DDAH1: variants seen among roughly 807,000 people sequenced by gnomAD.
DDAH1 encodes N(G),N(G)-dimethylarginine dimethylaminohydrolase 1.
Under a neutral mutation model 28.8 loss-of-function variants are expected in DDAH1, and 19 were observed. The ratio of observed to expected loss-of-function variants is 0.66; its 90% confidence interval spans 0.46 to 0.97. The LOEUF (loss-of-function observed/expected upper bound fraction) is 0.97. Ranked by LOEUF, DDAH1 falls within the 50% of genes least tolerant of loss-of-function variation. The pLI, the probability that DDAH1 is intolerant of heterozygous loss-of-function variation, is 0.00. For synonymous variants in DDAH1, 153 were observed against 154.4 expected (o/e 0.99, Z 0.07); for missense variants, 326 against 375.9 (o/e 0.87, Z 1.10).
At chr1:85,570,268 G>A (rs1225326930) in intron 1 of DDAH1, among the ~76,000 whole-genome samples, 1 of 151,736 alleles carries the variant, frequency 6.6e-6, no homozygotes, top group Non-Finnish European at 1.5e-5. Flanking sequence ...TTCTTCTCCT[G>A]ATGCCTGATA....
At position 85,530,519 on chromosome 1, in the gene DDAH1, G is replaced by A. The variant is rs542970374; in HGVS notation, c.-122-34238C>T. On this transcript the variant is annotated intron_variant, in intron 1 of 6. Transcript: ENST00000426972. ...GATAATAAAAAGTCCAAATCGTAAA[G>A]CAGGACATTAGCAGCCTTTTGGGAG... is the stretch of plus-strand genomic sequence containing the variant. Among the ~76,000 whole-genome samples the A allele has an allele frequency of 3.3e-5, 5 of 151,850 alleles. No individual in the cohort carries two copies. The East Asian group carries it at 9.7e-4, about 29-fold the overall frequency.
chr1:85,425,119 T>A (rs527952103), intron 1 of DDAH1, among the ~76,000 whole-genome samples: 6 of 152,282 alleles, frequency 3.9e-5, no homozygotes, highest in Non-Finnish European at 7.4e-5. Context: ...TGAGCTGTCA[T>A]GTCACATTAA....
chr1:85,501,829 A>G (rs937533079), intron 1 of DDAH1, among the ~76,000 whole-genome samples: 1 of 152,156 alleles, frequency 6.6e-6, no homozygotes, highest in African/African-American at 2.4e-5. Context: ...TAGTAACTTC[A>G]TCAAAGCCAG....
At chr1:85,566,166 A>G (rs1373133419) in intron 1 of DDAH1, among the ~76,000 whole-genome samples, 2 of 152,086 alleles carry the variant, frequency 1.3e-5, no homozygotes, top group Middle Eastern at 3.2e-3. Context: ...ACAACAGAAT[A>G]AAACAATTCA....
At chr1:85,477,643 T>TATGCATATACATGCATATACATATAGAG in intron 2 of DDAH1, among the ~76,000 whole-genome samples, 1 of 151,974 alleles carries the variant, frequency 6.6e-6, no homozygotes, top group African/African-American at 2.4e-5. Flanking sequence ...AGAGATAGTA[T>TATGCATATACATGCATATACATATAGAG]ATGTATATGC....
intron 1 of DDAH1, among the ~76,000 whole-genome samples, chr1:85,388,991 T>C (rs1651413907): frequency 6.6e-6 from 1 of 152,130 alleles, no homozygotes; most frequent in South Asian, 2.1e-4. Flanking sequence ...TGCTAGTTGA[T>C]TGGGAAAGAT....
chr1:85,554,023 A>G (rs1410317966), intron 1 of DDAH1, among the ~76,000 whole-genome samples: 1 of 152,212 alleles, frequency 6.6e-6, no homozygotes, highest in Non-Finnish European at 1.5e-5. Flanking sequence ...ACAATGTTAC[A>G]TCTCACTTAG....
chr1:85,453,184 G>A (rs909838121), intron 1 of DDAH1, among the ~76,000 whole-genome samples: 24 of 152,272 alleles, frequency 1.6e-4, no homozygotes, highest in African/African-American at 4.3e-4. Flanking sequence ...TCAAGAAAAT[G>A]TTCTAACTTA....
chr1:85,521,007 T>C (rs1353242792), intron 1 of DDAH1, among the ~76,000 whole-genome samples: 4 of 152,202 alleles, frequency 2.6e-5, no homozygotes, highest in African/African-American at 7.2e-5. Context: ...CCTCAGCTCC[T>C]TCCCTGCTGA....
intron 2 of DDAH1, among the ~76,000 whole-genome samples, chr1:85,492,977 G>A (rs557973957): frequency 1.3e-5 from 2 of 152,098 alleles, no homozygotes; most frequent in South Asian, 2.1e-4. Flanking sequence ...CATATGTCAC[G>A]AAGGGTTGCA....
chr1:85,501,259 A>C (rs1442325619), intron 1 of DDAH1, among the ~76,000 whole-genome samples: 1 of 152,218 alleles, frequency 6.6e-6, no homozygotes, highest in Non-Finnish European at 1.5e-5. Flanking sequence ...GGATGAACTT[A>C]GTATAGCCTT....
intron 1 of DDAH1, among the ~76,000 whole-genome samples, chr1:85,411,829 A>T (rs1470658135): frequency 6.6e-6 from 1 of 152,164 alleles, no homozygotes; most frequent in Admixed American, 6.5e-5. Flanking sequence ...TCTGAAAGGG[A>T]GGAATCTTGA....
intron 4 of DDAH1, among the ~76,000 whole-genome samples, chr1:85,325,348 C>G (rs569832767): frequency 7.4e-6 from 1 of 135,070 alleles, no homozygotes; most frequent in African/African-American, 2.7e-5. Flanking sequence ...TGTGCATGCA[C>G]GTGCGTGCGC....
chr1:85,370,176 T>C (rs554063804), intron 1 of DDAH1, among the ~76,000 whole-genome samples: 282 of 152,222 alleles, frequency 1.9e-3, no homozygotes, highest in Non-Finnish European at 3.7e-3. Context: ...GGTGTCCTTA[T>C]AAGAAGAGCA....
At chr1:85,442,240 C>T (rs565334907) in intron 1 of DDAH1, among the ~76,000 whole-genome samples, 3 of 152,290 alleles carry the variant, frequency 2.0e-5, no homozygotes, top group South Asian at 4.2e-4. Flanking sequence ...CAAGTGTTCT[C>T]ACTGTTCAAT....
chr1:85,559,634 C>A (rs1659083020), intron 1 of DDAH1, among the ~76,000 whole-genome samples: 1 of 151,900 alleles, frequency 6.6e-6, no homozygotes, highest in African/African-American at 2.4e-5. Context: ...AAGTGAAAAT[C>A]TTTTTTTAAA....
chr1:85,435,315 A>T (rs1466636944), intron 1 of DDAH1: 1 of 152,188 alleles, frequency 6.6e-6, no homozygotes, highest in South Asian at 2.1e-4. Context: ...ATTCTATTTG[A>T]TTGCCTTGAG....
chr1:85,387,991 A>C (rs1325961537), intron 1 of DDAH1, among the ~76,000 whole-genome samples: 2 of 152,064 alleles, frequency 1.3e-5, no homozygotes, highest in African/African-American at 4.8e-5. Context: ...TCTTTTTAAC[A>C]ATCAGTTCCA....
At chr1:85,407,872 A>G (rs1652480263) in intron 1 of DDAH1, among the ~76,000 whole-genome samples, 3 of 152,324 alleles carry the variant, frequency 2.0e-5, no homozygotes, top group Middle Eastern at 3.4e-3. Context: ...AAATTCAAAA[A>G]GCTCGGCTCT....
Sources: gnomAD v4.1 joint callset for allele counts (sites outside exome capture counted in the v4.1 genomes callset) on GRCh38, gnomAD v4.1.1 for gene constraint, MANE v1.5 for transcripts, NCBI Gene and HGNC (gene_info 2026-07-23, HGNC 2026-07-21) for gene names.